Variants in ZC3H12D observed in about 807,000 individuals in gnomAD.
The protein encoded by ZC3H12D is zinc finger CCCH-type containing 12D, also known as probable ribonuclease ZC3H12D.
Under a neutral mutation model 24.2 loss-of-function variants are expected in ZC3H12D, and 11 were observed. The ratio of observed to expected loss-of-function variants is 0.46; its 90% CI spans 0.29 to 0.75. The LOEUF (loss-of-function observed/expected upper bound fraction) is 0.75. Ranked by LOEUF, ZC3H12D falls within the 30% of genes least tolerant of loss-of-function variation. The pLI is 0.11. For synonymous variants in ZC3H12D, 333 were observed against 341.8 expected (o/e 0.97, Z 0.28); for missense variants, 740 against 767.7 (o/e 0.96, Z 0.43).
chr6:149,460,830 C>CAAA (rs368479598), intron 3 of ZC3H12D, among the ~76,000 whole-genome samples: 23 of 124,996 alleles, frequency 1.8e-4, no homozygotes, highest in South Asian at 2.5e-4. Flanking sequence ...AACTCCATGT[C>CAAA]AAAAAAAAAA....
In ZC3H12D at chr6:149,447,237, T is replaced by A. The variant is rs1239706400; in HGVS notation, c.*3446A>T. On this transcript the variant is annotated 3_prime_UTR_variant, in exon 6 of 6. Transcript: ENST00000409806. ...AGACTGGCCACAACCTCAGTCTTCT[T>A]CACGCCTACTTTTTTTTGTTTTTTG... 1 of 152,282 alleles carries A rather than the reference T, an allele frequency of 6.6e-6. No homozygotes were observed. The highest frequency in any genetic ancestry group is 2.4e-5 in the African/African-American group (1 of 41,418). 9.4% of individuals were successfully genotyped at this position (152,282 alleles called of 1,614,324 possible). A position where few individuals can be genotyped will look rare whatever the true frequency, so the allele number is the denominator to read the frequency against.
chr6:149,467,812 G>A (rs910840928), intron 2 of ZC3H12D, among the ~76,000 whole-genome samples: 3 of 152,042 alleles, frequency 2.0e-5, no homozygotes, highest in Non-Finnish European at 2.9e-5. Flanking sequence ...CTATACCTCA[G>A]GATCCAGATG....
chr6:149,456,989 G>C lies in ZC3H12D; in HGVS notation c.446-89C>G. ...CAACGCGAGGCCACCCGCTTCCCGG[G>C]CCGGTCAGATGAGGTTTTGAGGGGA... On this transcript the variant is annotated intron_variant, in intron 3 of 5. Coordinates refer to ENST00000409806, the MANE Select transcript of ZC3H12D (RefSeq NM_207360.3). The surrounding 1 kb of genome is among the most constrained non-coding windows in gnomAD (Gnocchi z 4.3). 1 of 1,343,072 alleles carries C rather than the reference G, an allele frequency of 7.4e-7. No homozygotes were observed. Among genetic ancestry groups the C allele is most frequent in the Non-Finnish European group, 1.0e-6 (1 of 981,286 alleles). The allele number at this position is 1,343,072 out of a possible 1,614,324, so 83.2% of individuals were successfully genotyped here.
At chr6:149,463,201 G>A (rs904135937) in intron 2 of ZC3H12D, among the ~76,000 whole-genome samples, 2 of 152,172 alleles carry the variant, frequency 1.3e-5, no homozygotes, top group African/African-American at 4.8e-5. Flanking sequence ...TTGTAAATGT[G>A]TTATTGGGTT....
chr6:149,456,623 G>GGGGTGAGGGCCCCC lies in ZC3H12D; in HGVS notation c.680+42_680+43insGGGGGCCCTCACCC. 1 of 744,588 alleles carries GGGGTGAGGGCCCCC rather than the reference G, an allele frequency of 1.3e-6. No homozygotes were observed. The highest frequency in any genetic ancestry group is 2.2e-6 in the Non-Finnish European group (1 of 456,106). The allele number at this position is 744,588 out of a possible 1,614,324, so 46.1% of individuals were successfully genotyped here. A position where few individuals can be genotyped will look rare whatever the true frequency, so the allele number is the denominator to read the frequency against. ...GCCACTGCCTCGACCCCGGCCCCCC[G>GGGGTGAGGGCCCCC]CCCCGCCGCCCCCCAGGGTGTCAGG... On this transcript the variant is annotated intron_variant, in intron 4 of 5. Coordinates refer to ENST00000409806, the MANE Select transcript of ZC3H12D (RefSeq NM_207360.3). This position sits in a 1 kb window ranked among gnomAD's most constrained non-coding sequence, Gnocchi z 4.3.
At chr6:149,457,047 G>T in intron 3 of ZC3H12D, 147 bp from the exon 4 acceptor site, 1 of 753,154 alleles carries the variant, frequency 1.3e-6, no homozygotes, top group Non-Finnish European at 2.1e-6. Flanking sequence ...TGCCGCCATA[G>T]CGTTCGCTCC....
In ZC3H12D at chr6:149,450,417, C is replaced by T. The variant is rs888802674; in HGVS notation, c.*266G>A. 1.5e-5 allele frequency: 7 copies of T among 453,628 alleles called. No homozygotes were observed. Among genetic ancestry groups the T allele is most frequent in the Non-Finnish European group, 2.7e-5 (7 of 255,748 alleles). 28.1% of individuals were successfully genotyped at this position (453,628 alleles called of 1,614,324 possible). ...TGTGGGTTCTACTGCAGCTTGGACCCGCAGTCTCCGTGCACATGGAAAATC... is the reference window on the plus strand; with the variant it reads ...TGTGGGTTCTACTGCAGCTTGGACCTGCAGTCTCCGTGCACATGGAAAATC... On this transcript the variant is annotated 3_prime_UTR_variant, in exon 6 of 6. Transcript: ENST00000409806.
At chr6:149,472,406 C>A (rs555744558) in intron 2 of ZC3H12D, among the ~76,000 whole-genome samples, 1 of 152,248 alleles carries the variant, frequency 6.6e-6, no homozygotes, top group African/African-American at 2.4e-5. Context: ...CTGGTTAACT[C>A]AGGTGTTTTG....
At chr6:149,481,948 T>C (rs1776432338) in intron 1 of ZC3H12D, among the ~76,000 whole-genome samples, 1 of 152,214 alleles carries the variant, frequency 6.6e-6, no homozygotes, top group South Asian at 2.1e-4. Flanking sequence ...CTTTTGTAAC[T>C]TGCGCTCCAT....
rs1278838041 is a variant in ZC3H12D at position 149,448,784 on chromosome 6, G to T, written c.*1899C>A. The T allele has an allele frequency of 6.6e-6, 1 of 152,202 alleles. No individual in the cohort carries two copies. The highest frequency in any genetic ancestry group is 1.9e-4 in the East Asian group (1 of 5,206). 9.4% of individuals were successfully genotyped at this position (152,202 alleles called of 1,614,324 possible). A position where few individuals can be genotyped will look rare whatever the true frequency, so the allele number is the denominator to read the frequency against. The stretch of plus-strand genomic sequence containing the variant: ...ACCTAACATCACTGTATGCCCCAGG[G>T]GTGTCATTTACCATGAATGAAAGGG... On this transcript the variant is annotated 3_prime_UTR_variant, in exon 6 of 6. Transcript: ENST00000409806.
Position 149,456,622 on chromosome 6 carries a change from C to A in ZC3H12D, c.680+44G>T. On this transcript the variant is annotated intron_variant, in intron 4 of 5. Coordinates refer to ENST00000409806, the MANE Select transcript of ZC3H12D (RefSeq NM_207360.3). The surrounding 1 kb of genome is among the most constrained non-coding windows in gnomAD (Gnocchi z 4.3). ...GGCCACTGCCTCGACCCCGGCCCCC[C>A]GCCCCGCCGCCCCCCAGGGTGTCAG... 1 of 1,314,358 alleles carries A rather than the reference C, an allele frequency of 7.6e-7. No homozygotes were observed. Among genetic ancestry groups the A allele is most frequent in the Non-Finnish European group, 1.1e-6 (1 of 921,308 alleles). 81.4% of individuals were successfully genotyped at this position (1,314,358 alleles called of 1,614,324 possible).
chr6:149,455,147 G>T (rs570964267), intron 4 of ZC3H12D, among the ~76,000 whole-genome samples: 21 of 152,304 alleles, frequency 1.4e-4, no homozygotes, highest in Middle Eastern at 6.8e-3. Flanking sequence ...AACCTCACCT[G>T]CCCTCTCCAA....
intron 1 of ZC3H12D, among the ~76,000 whole-genome samples, chr6:149,478,665 A>G (rs917187140): frequency 6.6e-6 from 1 of 152,130 alleles, no homozygotes; most frequent in Non-Finnish European, 1.5e-5. Context: ...CACATAGTTG[A>G]CACCATGTAG....
At chr6:149,481,038 T>C (rs1027194168) in intron 1 of ZC3H12D, among the ~76,000 whole-genome samples, 3 of 151,402 alleles carry the variant, frequency 2.0e-5, no homozygotes, top group Non-Finnish European at 4.4e-5. Flanking sequence ...CAGCCCAGAC[T>C]CCATAAAGGA....
In ZC3H12D at chr6:149,456,543, C is replaced by T; in HGVS notation, c.680+123G>A. The T allele has an allele frequency of 1.2e-6, 1 of 823,410 alleles. No homozygotes were observed. Among genetic ancestry groups the T allele is most frequent in the Non-Finnish European group, 1.9e-6 (1 of 524,824 alleles). The allele number at this position is 823,410 out of a possible 1,614,324, so 51.0% of individuals were successfully genotyped here. A position where few individuals can be genotyped will look rare whatever the true frequency, so the allele number is the denominator to read the frequency against. On this transcript the variant is annotated intron_variant, in intron 4 of 5. Transcript: ENST00000409806. The surrounding 1 kb of genome is among the most constrained non-coding windows in gnomAD (Gnocchi z 4.3). ...GAATGCGGACCTGGGGGAGCTCTGT[C>T]TGAGGGGCTGGGTGACCGGGTGACC...
In ZC3H12D at chr6:149,449,428, A is replaced by C. The variant is rs902437770; in HGVS notation, c.*1255T>G. 4.0e-5 allele frequency: 6 copies of C among 151,432 alleles called. No individual in the cohort carries two copies. The highest frequency in any genetic ancestry group is 6.6e-5 in the Admixed American group (1 of 15,226). 9.4% of individuals were successfully genotyped at this position (151,432 alleles called of 1,614,324 possible). On this transcript the variant is annotated 3_prime_UTR_variant, in exon 6 of 6. Coordinates refer to ENST00000409806, the MANE Select transcript of ZC3H12D (RefSeq NM_207360.3). ...TACTATACTCCAGACAGAGTGACAG[A>C]GTGAGACTCTGTCTTTTTTTTTTTT...
chr6:149,458,111 CTTTTTTTTTTTCGTTTCTTTTTTTTTT>C (rs1776013916), intron 3 of ZC3H12D, among the ~76,000 whole-genome samples: 1 of 80,240 alleles, frequency 1.2e-5, no homozygotes, highest in Non-Finnish European at 2.4e-5. Context: ...CTTTCTTTTT[CTTTTTTTTTTTCGTTTCTTTTTTTTTT>C]TTTTTTTTTT....
chr6:149,463,876 G>C (rs1253674135), intron 2 of ZC3H12D, among the ~76,000 whole-genome samples: 6 of 152,196 alleles, frequency 3.9e-5, no homozygotes, highest in African/African-American at 1.4e-4. Flanking sequence ...GTAAGAGGAT[G>C]GCAGGCTATT....
At chr6:149,483,971 T>C (rs1304193383) in intron 1 of ZC3H12D, among the ~76,000 whole-genome samples, 2 of 152,220 alleles carry the variant, frequency 1.3e-5, no homozygotes, top group Non-Finnish European at 2.9e-5. Context: ...CTGTGAACGA[T>C]GTTGCTGTGA....
Sources: gnomAD v4.1 joint callset for allele counts (sites outside exome capture counted in the v4.1 genomes callset) on GRCh38, gnomAD v4.1.1 for gene constraint, Gnocchi (gnomAD v3.1) non-coding constraint, MANE v1.5 for transcripts, NCBI Gene and HGNC (gene_info 2026-07-23, HGNC 2026-07-21) for gene names.